GRIK1: variants seen among roughly 807,000 people sequenced by gnomAD.
GRIK1 encodes the protein glutamate ionotropic receptor kainate type subunit 1, also known as glutamate receptor ionotropic, kainate 1.
In GRIK1, 69 loss-of-function variants were observed where a neutral mutation model predicts 105.7. The ratio of observed to expected loss-of-function variants is 0.65; its 90% CI spans 0.54 to 0.80. GRIK1 has a LOEUF of 0.80. Among genes scored for constraint, GRIK1 ranks in the 30% least tolerant of loss-of-function variants. GRIK1 has a pLI of 0.00. For missense variants in GRIK1, 1,109 were observed against 1,167.3 expected (o/e 0.95, Z 0.73); for synonymous variants, 438 against 431.3 (o/e 1.02, Z -0.19).
intron 1 of GRIK1, among the ~76,000 whole-genome samples, chr21:29,907,024 A>T (rs571996656): frequency 3.2e-4 from 38 of 119,042 alleles, no homozygotes; most frequent in African/African-American, 1.5e-3. Flanking sequence ...CAATAAAAAT[A>T]AAAAAAAAAA....
At chr21:29,825,413 GAAAC>G (rs2067424022) in intron 1 of GRIK1, among the ~76,000 whole-genome samples, 1 of 151,976 alleles carries the variant, frequency 6.6e-6, no homozygotes, top group Non-Finnish European at 1.5e-5. Context: ...ATATTAACAA[GAAAC>G]AAACTCATCA....
intron 1 of GRIK1, among the ~76,000 whole-genome samples, chr21:29,765,199 T>C (rs1056759788): frequency 6.6e-6 from 1 of 152,176 alleles, no homozygotes; most frequent in Non-Finnish European, 1.5e-5. Flanking sequence ...CCTTTATTTC[T>C]TTCTAAGTTA....
At chr21:29,587,656 G>A (rs990684923) in intron 11 of GRIK1, 67 bp from the exon 12 acceptor site, 10 of 819,642 alleles carry the variant, frequency 1.2e-5, no homozygotes, top group South Asian at 1.6e-5. Flanking sequence ...ACTTTTCCTG[G>A]GTACTCCTGA....
chr21:29,550,279 C>T lies in GRIK1; in HGVS notation c.2607+4773G>A, dbSNP rs79440548. Among the ~76,000 whole-genome samples the T allele has an allele frequency of 3.6e-3, 541 of 152,204 alleles. 4 individuals are homozygous for T. Among genetic ancestry groups the T allele is most frequent in the Non-Finnish European group, 5.8e-3 (394 of 68,022 alleles). On this transcript the variant is annotated intron_variant, in intron 16 of 17. Coordinates refer to ENST00000327783, the MANE Select transcript of GRIK1 (RefSeq NM_001330994.2). ...ATATCAATTGAATATCATAAAATTT[C>T]CACCTCAAAGCTGTGCAGGTTTTTC...
At chr21:29,665,316 G>A (rs148189172) in intron 4 of GRIK1, among the ~76,000 whole-genome samples, 30 of 152,130 alleles carry the variant, frequency 2.0e-4, no homozygotes, top group African/African-American at 7.0e-4. Flanking sequence ...GAACCGCTCC[G>A]TACAACTAAA....
intron 1 of GRIK1, among the ~76,000 whole-genome samples, chr21:29,710,356 A>G (rs908029419): frequency 2.0e-5 from 3 of 151,908 alleles, no homozygotes; most frequent in African/African-American, 7.2e-5. Flanking sequence ...TGGCCTTGTC[A>G]ATTTTGTCAT....
At chr21:29,802,385 T>C (rs1311960136) in intron 1 of GRIK1, among the ~76,000 whole-genome samples, 2 of 152,134 alleles carry the variant, frequency 1.3e-5, no homozygotes, top group Non-Finnish European at 2.9e-5. Flanking sequence ...TTTCACCCTC[T>C]CCCTCTTTCA....
At chr21:29,554,944 G>T in intron 16 of GRIK1, 108 bp downstream of exon 16, 2 of 900,844 alleles carry the variant, frequency 2.2e-6, no homozygotes, top group Non-Finnish European at 3.4e-6. Context: ...GCTCTTCTGG[G>T]CATCTAATTC....
intron 1 of GRIK1, among the ~76,000 whole-genome samples, chr21:29,718,241 G>T (rs1569010563): frequency 6.6e-6 from 1 of 152,308 alleles, no homozygotes; most frequent in East Asian, 1.9e-4. Context: ...TTTTTTAGAA[G>T]AGCAAACTGA....
chr21:29,886,209 A>G (rs1257223231), intron 1 of GRIK1, among the ~76,000 whole-genome samples: 1 of 152,152 alleles, frequency 6.6e-6, no homozygotes, highest in Non-Finnish European at 1.5e-5. Context: ...GAAACAGAAA[A>G]TGCCTGTGAG....
chr21:29,749,263 T>A (rs543348618), intron 1 of GRIK1: 1 of 152,068 alleles, frequency 6.6e-6, no homozygotes, highest in Non-Finnish European at 1.5e-5. Context: ...TTACAGTGGA[T>A]ATTGAACAAT....
At chr21:29,888,743 A>G (rs778738662) in intron 1 of GRIK1, among the ~76,000 whole-genome samples, 3 of 152,212 alleles carry the variant, frequency 2.0e-5, no homozygotes, top group Non-Finnish European at 2.9e-5. Flanking sequence ...CACACTTGTA[A>G]CAACAATGAA....
At chr21:29,700,992 T>C (rs780000022) in intron 1 of GRIK1, among the ~76,000 whole-genome samples, 1 of 152,226 alleles carries the variant, frequency 6.6e-6, no homozygotes, top group Non-Finnish European at 1.5e-5. Flanking sequence ...ATGGTAAATA[T>C]ATTCCAACGA....
Position 29,689,936 on chromosome 21 carries a change from A to G in GRIK1, c.336T>C (p.His112=). The change falls in exon 3 of 18, where the codon CAT becomes CAC. Residue 112 remains histidine (H), a synonymous_variant. Transcript: ENST00000327783. ...ACTGCACAGCACTGACGGAGGAGCT[A>G]TGGGAAGGGCCAAAGAGAGCAGCCA... The part of the protein sequence containing the change: ...LGVAALFGPS[H]SSSVSAVQSI... 1 of 1,471,638 alleles carries G rather than the reference A, an allele frequency of 6.8e-7. No homozygotes were observed. Among genetic ancestry groups the G allele is most frequent in the South Asian group, 1.1e-5 (1 of 89,354 alleles). The allele number at this position is 1,471,638 out of a possible 1,614,324, so 91.2% of individuals were successfully genotyped here.
intron 1 of GRIK1, among the ~76,000 whole-genome samples, chr21:29,888,364 A>G (rs1273237985): frequency 6.7e-6 from 1 of 150,164 alleles, no homozygotes; most frequent in African/African-American, 2.5e-5. Flanking sequence ...TCCTGGGTTC[A>G]AGAGATCCTC....
intron 1 of GRIK1, among the ~76,000 whole-genome samples, chr21:29,732,696 T>A (rs1276549123): frequency 3.9e-5 from 6 of 152,188 alleles, no homozygotes. Flanking sequence ...GAGAATAACT[T>A]CTATCCATTG....
intron 1 of GRIK1, among the ~76,000 whole-genome samples, chr21:29,840,950 T>C (rs2067962919): frequency 6.6e-6 from 1 of 152,142 alleles, no homozygotes; most frequent in Non-Finnish European, 1.5e-5. Context: ...AAATTAGACA[T>C]GGCTTAGCAA....
chr21:29,853,858 G>A (rs1221192972), intron 1 of GRIK1, among the ~76,000 whole-genome samples: 1 of 152,170 alleles, frequency 6.6e-6, no homozygotes, highest in African/African-American at 2.4e-5. Flanking sequence ...GCATGTCAGA[G>A]GGAGATAAGT....
At chr21:29,565,170 C>T (rs2090583625) in intron 14 of GRIK1, among the ~76,000 whole-genome samples, 1 of 152,202 alleles carries the variant, frequency 6.6e-6, no homozygotes, top group South Asian at 2.1e-4. Context: ...TGACCCCTTG[C>T]TATTCTCACT....
Sources: allele counts gnomAD v4.1 joint callset (sites outside exome capture counted in the v4.1 genomes callset), GRCh38; gene constraint gnomAD v4.1.1; transcripts MANE v1.5; gene names NCBI Gene and HGNC (gene_info 2026-07-23, HGNC 2026-07-21).